SYN2: variants seen among roughly 807,000 people sequenced by gnomAD.
The protein encoded by SYN2 is synapsin-2.
Under a neutral mutation model 50.9 loss-of-function variants are expected in SYN2, and 19 were observed. The observed-to-expected ratio is 0.37, with a 90% CI of 0.26 to 0.55. The LOEUF (loss-of-function observed/expected upper bound fraction) is 0.55. Ranked by LOEUF, SYN2 falls within the 20% of genes least tolerant of loss-of-function variation. SYN2 has a pLI of 0.81. For missense variants in SYN2, 587 were observed against 576.4 expected (o/e 1.02, Z -0.19); for synonymous variants, 255 against 224.9 (o/e 1.13, Z -1.20).
At chr3:12,102,669 G>A (rs1038390183) in intron 1 of SYN2, among the ~76,000 whole-genome samples, 1 of 152,082 alleles carries the variant, frequency 6.6e-6, no homozygotes, top group Non-Finnish European at 1.5e-5. Flanking sequence ...TCAGAATAAT[G>A]TGATATAATC....
chr3:12,168,527 A>C (rs758465800), intron 9 of SYN2, 49 bp downstream of exon 9: 2 of 1,501,964 alleles, frequency 1.3e-6, no homozygotes, highest in Admixed American at 3.5e-5. Flanking sequence ...CTTAAGAACT[A>C]TGTGGGCAGC....
intron 10 of SYN2, among the ~76,000 whole-genome samples, chr3:12,177,833 C>G (rs1559455934): frequency 6.6e-6 from 1 of 152,200 alleles, no homozygotes; most frequent in African/African-American, 2.4e-5. Context: ...TCAGTGCCCC[C>G]AGAAGACTCA....
chr3:12,145,844 G>A lies in SYN2; in HGVS notation c.684+9G>A. 6.2e-7 allele frequency: 1 copy of A among 1,613,576 alleles called. No individual in the cohort carries two copies. On this transcript the variant is annotated intron_variant, in intron 4 of 12. Coordinates refer to ENST00000621198, the MANE Select transcript of SYN2 (RefSeq NM_133625.6). ...GTGACAAGCCATGGGTGGTGAGTGA[G>A]GCCCCCTTCCCCCAAGTAAAAGGGT...
intron 6 of SYN2, 200 bp from the exon 7 acceptor site, chr3:12,161,812 G>T: frequency 2.1e-6 from 2 of 974,208 alleles, no homozygotes; most frequent in Non-Finnish European, 1.5e-6. Flanking sequence ...TGGTCCTCTG[G>T]GTCCTTTGCA....
At chr3:12,159,181 A>T (rs1355875003) in intron 5 of SYN2, 1 of 303,568 alleles carries the variant, frequency 3.3e-6, no homozygotes, top group Non-Finnish European at 6.1e-6. Context: ...AAGAGCCACA[A>T]AGACAAATGC....
chr3:12,168,887 A>G (rs986127322), intron 9 of SYN2, among the ~76,000 whole-genome samples: 1 of 152,100 alleles, frequency 6.6e-6, no homozygotes, highest in African/African-American at 2.4e-5. Flanking sequence ...AGCCTTGGAG[A>G]CACTACTCAG....
intron 3 of SYN2, among the ~76,000 whole-genome samples, chr3:12,145,130 C>T (rs569240319): frequency 2.7e-4 from 41 of 152,178 alleles, no homozygotes; most frequent in African/African-American, 9.2e-4. Context: ...AAATTACAAC[C>T]GTTGCTCATG....
At chr3:12,038,337 T>C (rs1411083030) in intron 1 of SYN2, among the ~76,000 whole-genome samples, 1 of 152,184 alleles carries the variant, frequency 6.6e-6, no homozygotes, top group Non-Finnish European at 1.5e-5. Context: ...TAGCAAGTTT[T>C]GAAATTGGAA....
chr3:12,148,174 C>G (rs911554354), intron 4 of SYN2, among the ~76,000 whole-genome samples: 1 of 152,030 alleles, frequency 6.6e-6, no homozygotes, highest in African/African-American at 2.4e-5. Flanking sequence ...GAGGCCAGGG[C>G]AGGAAGAATG....
chr3:12,150,577 C>T (rs1475490034), intron 4 of SYN2, among the ~76,000 whole-genome samples: 1 of 152,138 alleles, frequency 6.6e-6, no homozygotes, highest in Non-Finnish European at 1.5e-5. Flanking sequence ...TTGCCCCTTC[C>T]CCATGGAGCT....
At chr3:12,044,181 T>TCTCTCTCTCTCACACACACA (rs573246278) in intron 1 of SYN2, among the ~76,000 whole-genome samples, 13 of 53,352 alleles carry the variant, frequency 2.4e-4, no homozygotes, top group Admixed American at 6.1e-4. Context: ...TCTCTCTCTC[T>TCTCTCTCTCTCACACACACA]CACACACACA....
intron 10 of SYN2, among the ~76,000 whole-genome samples, chr3:12,178,779 CTTTAG>C (rs1160300516): frequency 6.6e-6 from 1 of 152,252 alleles, no homozygotes; most frequent in Non-Finnish European, 1.5e-5. Flanking sequence ...AAAGCACACT[CTTTAG>C]TTTAAGCCTA....
At chr3:12,071,098 G>T in intron 1 of SYN2, 2 of 561,376 alleles carry the variant, frequency 3.6e-6, no homozygotes, top group East Asian at 4.8e-5. Flanking sequence ...GTGTGATGTG[G>T]ACATCTGCAA....
Position 12,161,720 on chromosome 3 carries a change from GAGA to G in SYN2, c.837+116_837+118del, listed in dbSNP as rs568312439. 16 of 1,336,490 alleles carry G rather than the reference GAGA, an allele frequency of 1.2e-5. No homozygotes were observed. In the South Asian group the frequency reaches 1.5e-4, roughly 12 times the overall value. The allele number at this position is 1,336,490 out of a possible 1,614,324, so 82.8% of individuals were successfully genotyped here. ...CTGTCACTGATGAATTCTTTCCAAA[GAGA>G]AGATGATTTGCCACCTCTAAAGCCA... On this transcript the variant is annotated intron_variant, in intron 6 of 12. Transcript: ENST00000621198.
chr3:12,068,065 A>G (rs971707770), intron 1 of SYN2, among the ~76,000 whole-genome samples: 6 of 152,206 alleles, frequency 3.9e-5, no homozygotes, highest in Non-Finnish European at 5.9e-5. Context: ...TCTCGAATGA[A>G]TGAATGAATG....
chr3:12,088,413 A>T (rs1359045437), intron 1 of SYN2, among the ~76,000 whole-genome samples: 1 of 152,170 alleles, frequency 6.6e-6, no homozygotes, highest in East Asian at 1.9e-4. Context: ...AAAGATAAGT[A>T]TTGGGGGGGT....
At chr3:12,177,981 C>A (rs1026827890) in intron 10 of SYN2, among the ~76,000 whole-genome samples, 4 of 152,208 alleles carry the variant, frequency 2.6e-5, no homozygotes, top group Non-Finnish European at 4.4e-5. Flanking sequence ...CCTTTTAGAA[C>A]CTTTTGGAGG....
At chr3:12,180,626 C>T (rs1054621761) in intron 10 of SYN2, among the ~76,000 whole-genome samples, 10 of 152,206 alleles carry the variant, frequency 6.6e-5, no homozygotes, top group Non-Finnish European at 1.5e-4. Context: ...TCCCCGCCTC[C>T]CGTAGCCCCT....
At chr3:12,014,663 G>A (rs561816201) in intron 1 of SYN2, among the ~76,000 whole-genome samples, 5 of 152,234 alleles carry the variant, frequency 3.3e-5, no homozygotes, top group African/African-American at 1.2e-4. Flanking sequence ...TTTTTCCTCA[G>A]TGTGAAACTC....
Sources: gnomAD v4.1 joint callset for allele counts (sites outside exome capture counted in the v4.1 genomes callset) on GRCh38, gnomAD v4.1.1 for gene constraint, MANE v1.5 for transcripts, NCBI Gene and HGNC (gene_info 2026-07-23, HGNC 2026-07-21) for gene names.